The following NAV2 variants were observed in gnomAD, a reference collection of about 807,000 sequenced individuals.
NAV2 encodes the protein helicase, APC down-regulated 1.
Under a neutral mutation model 223.2 loss-of-function variants are expected in NAV2, and 54 were observed. The ratio of observed to expected loss-of-function variants is 0.24; its 90% confidence interval spans 0.19 to 0.30. The LOEUF is 0.30. NAV2 is among the 10% of genes least tolerant of loss of function. The pLI is 1.00. For missense variants in NAV2, 2,806 were observed against 3,147.5 expected, an observed-to-expected ratio of 0.89 and a Z score of 2.60; for synonymous variants, 1,279 against 1,239.3, an observed-to-expected ratio of 1.03 and a Z score of -0.67.
intron 1 of NAV2, among the ~76,000 whole-genome samples, chr11:19,395,295 T>C (rs1849404787): frequency 6.6e-6 from 1 of 152,230 alleles, no homozygotes. Context: ...GGCCCACACA[T>C]CTGCTACCTT....
chr11:19,926,990 A>G (rs1379489462), intron 6 of NAV2, among the ~76,000 whole-genome samples: 64 of 152,206 alleles, frequency 4.2e-4, no homozygotes, highest in Admixed American at 4.2e-3. Context: ...TGCTTTATTT[A>G]TCTGCTTTAA....
chr11:19,931,269 A>G (rs1305571105), intron 6 of NAV2, among the ~76,000 whole-genome samples: 1 of 152,174 alleles, frequency 6.6e-6, no homozygotes, highest in East Asian at 1.9e-4. Context: ...CTCCCCAGGA[A>G]AACATCCAAC....
At chr11:19,681,326 T>C (rs796706868) in intron 1 of NAV2, among the ~76,000 whole-genome samples, 3 of 152,340 alleles carry the variant, frequency 2.0e-5, no homozygotes, top group African/African-American at 7.2e-5. Flanking sequence ...ACCGCAGTTA[T>C]AAAAGATAGA....
chr11:19,955,617 AC>A (rs1431330467), intron 10 of NAV2, among the ~76,000 whole-genome samples: 1 of 152,178 alleles, frequency 6.6e-6, no homozygotes, highest in Non-Finnish European at 1.5e-5. Flanking sequence ...TGCCATGTGG[AC>A]TGATGGAAGA....
chr11:19,948,766 G>C lies in NAV2; in HGVS notation c.2331G>C (p.Arg777Ser), dbSNP rs1449158320. The C allele has an allele frequency of 6.2e-7, 1 of 1,613,246 alleles. No homozygotes were observed. Among genetic ancestry groups the C allele is most frequent in the Non-Finnish European group, 8.5e-7 (1 of 1,179,494 alleles). The change falls in exon 10 of 38, where the codon AGG (arginine) becomes AGC (serine). Residue 777 changes from arginine (R) to serine (S), a missense_variant. Transcript: ENST00000349880. ...GTAGCATACTCAGCTTGACAGGGAG[G>C]CCCACACCTCTGTCCTGGAGACTGG... is the stretch of plus-strand genomic sequence containing the variant. Reference protein sequence around the residue: ...SGRSILSLTGRPTPLSWRLGQ... With the variant: ...SGRSILSLTGSPTPLSWRLGQ...
chr11:20,094,223 C>CTTTTTTTTTTTTTTTTTTTT (rs61099684), intron 29 of NAV2, among the ~76,000 whole-genome samples: 4 of 88,522 alleles, frequency 4.5e-5, no homozygotes, highest in Admixed American at 1.5e-4. Context: ...TTTTCTTTAT[C>CTTTTTTTTTTTTTTTTTTTT]TTTTTTTTTT....
chr11:19,907,309 T>C (rs1010452153), intron 6 of NAV2, among the ~76,000 whole-genome samples: 1 of 152,164 alleles, frequency 6.6e-6, no homozygotes, highest in South Asian at 2.1e-4. Context: ...TAGCCGCCTC[T>C]TCTTGCTCAT....
intron 1 of NAV2, among the ~76,000 whole-genome samples, chr11:19,737,621 G>T (rs991972911): frequency 6.6e-6 from 1 of 152,224 alleles, no homozygotes; most frequent in Admixed American, 6.5e-5. Context: ...CCCTATGCAA[G>T]GCATTTATTT....
At chr11:19,646,514 G>A (rs531070775) in intron 1 of NAV2, among the ~76,000 whole-genome samples, 10 of 152,252 alleles carry the variant, frequency 6.6e-5, no homozygotes, top group South Asian at 2.1e-4. Flanking sequence ...AGCTGAGGGC[G>A]TGTGGTGATG....
Position 19,713,264 on chromosome 11 carries a change from C to G in NAV2, c.-432C>G. On this transcript the variant is annotated 5_prime_UTR_variant, in exon 1 of 38. Coordinates refer to ENST00000349880, the MANE Select transcript of NAV2 (RefSeq NM_145117.5). The surrounding 1 kb of genome is among the most constrained non-coding windows in gnomAD (Gnocchi z 7.2). ...CGGCTCAGACCCGTAGCCTCCGGAACGGGACTCGTGGGTCGCCGCCGCCTC... is the reference window on the plus strand; with the variant it reads ...CGGCTCAGACCCGTAGCCTCCGGAAGGGGACTCGTGGGTCGCCGCCGCCTC... 1.0e-6 allele frequency: 1 copy of G among 986,514 alleles called. No homozygotes were observed. The highest frequency in any genetic ancestry group is 1.2e-6 in the Non-Finnish European group (1 of 826,588). 61.1% of individuals were successfully genotyped at this position (986,514 alleles called of 1,614,324 possible).
chr11:19,867,297 G>T (rs1487296923), intron 3 of NAV2, among the ~76,000 whole-genome samples: 1 of 152,124 alleles, frequency 6.6e-6, no homozygotes, highest in Non-Finnish European at 1.5e-5. Context: ...TTATGTAAAT[G>T]CAGGCTCCTG....
chr11:19,801,079 A>G (rs757045723), intron 1 of NAV2, among the ~76,000 whole-genome samples: 1 of 152,172 alleles, frequency 6.6e-6, no homozygotes, highest in Non-Finnish European at 1.5e-5. Flanking sequence ...GTAACCTTAT[A>G]GTTTATTTTT....
At chr11:19,740,008 TATTCGTACTC>T (rs2052655275) in intron 1 of NAV2, among the ~76,000 whole-genome samples, 1 of 152,174 alleles carries the variant, frequency 6.6e-6, no homozygotes, top group Non-Finnish European at 1.5e-5. Flanking sequence ...TCTCCCTGTT[TATTCGTACTC>T]CGAGCAGGCT....
intron 11 of NAV2, among the ~76,000 whole-genome samples, chr11:20,034,247 A>ATAGT (rs2056101038): frequency 6.6e-6 from 1 of 152,082 alleles, no homozygotes; most frequent in Admixed American, 6.5e-5. Flanking sequence ...AAAAACAATA[A>ATAGT]TACCCTTTTC....
intron 1 of NAV2, among the ~76,000 whole-genome samples, chr11:19,419,003 T>A (rs1223519779): frequency 6.6e-6 from 1 of 151,998 alleles, no homozygotes; most frequent in African/African-American, 2.4e-5. Context: ...ATAACAGTAG[T>A]GAGTGCAGTA....
At chr11:19,887,179 G>T (rs2041077492) in intron 5 of NAV2, among the ~76,000 whole-genome samples, 1 of 152,148 alleles carries the variant, frequency 6.6e-6, no homozygotes, top group South Asian at 2.1e-4. Context: ...ACACCTGCCA[G>T]AACCCAACAC....
At chr11:19,960,093 C>G (rs1047507961) in intron 10 of NAV2, among the ~76,000 whole-genome samples, 2 of 152,198 alleles carry the variant, frequency 1.3e-5, no homozygotes, top group African/African-American at 4.8e-5. Flanking sequence ...AAGTTCTAGT[C>G]AGTTCCAGGC....
intron 5 of NAV2, among the ~76,000 whole-genome samples, chr11:19,883,936 A>G (rs2063371140): frequency 6.6e-6 from 1 of 152,248 alleles, no homozygotes. Flanking sequence ...AAGCATGTGA[A>G]ATAGAAACAT....
In NAV2 at chr11:19,856,828, T is replaced by A. The variant is rs79356306; in HGVS notation, c.439-12097T>A. 6.4e-3 allele frequency among the ~76,000 whole-genome samples: 978 copies of A among 152,356 alleles called. 12 individuals are homozygous for A. The highest frequency in any genetic ancestry group is 0.023 in the African/African-American group (941 of 41,582). On this transcript the variant is annotated intron_variant, in intron 3 of 37. Transcript: ENST00000349880. ...ATTAATGCATTCAAAGGTATTTGCT[T>A]GGCTTTGTTTCCTGCTTATGGATGC...
Sources: allele counts gnomAD v4.1 joint callset (sites outside exome capture counted in the v4.1 genomes callset), GRCh38; gene constraint gnomAD v4.1.1; non-coding constraint Gnocchi (gnomAD v3.1); transcripts MANE v1.5; gene names NCBI Gene and HGNC (gene_info 2026-07-23, HGNC 2026-07-21).